Variants in KLHL29 observed in about 807,000 individuals in gnomAD.
The protein encoded by KLHL29 is kelch-like protein 29.
In KLHL29, 21 loss-of-function variants were observed where a neutral mutation model predicts 80.4. The observed-to-expected ratio is 0.26, with a 90% confidence interval of 0.19 to 0.38. KLHL29 has a LOEUF of 0.38. Among genes scored for constraint, KLHL29 ranks in the 10% least tolerant of loss-of-function variants. The probability of loss-of-function intolerance (pLI) is 1.00; values close to 1 mark genes in which losing one functional copy is unlikely to be tolerated. For synonymous variants in KLHL29, 511 were observed against 526.8 expected (o/e 0.97, Z 0.41); for missense variants, 867 against 1,223.9 (o/e 0.71, Z 4.35).
At chr2:23,466,754 G>A (rs915467020) in intron 1 of KLHL29, among the ~76,000 whole-genome samples, 2 of 152,142 alleles carry the variant, frequency 1.3e-5, no homozygotes, top group African/African-American at 2.4e-5. Context: ...ATTTATAGAT[G>A]TATTTGGATT....
intron 1 of KLHL29, among the ~76,000 whole-genome samples, chr2:23,439,538 A>T (rs1418362987): frequency 6.6e-6 from 1 of 151,630 alleles, no homozygotes; most frequent in African/African-American, 2.4e-5. Flanking sequence ...TTCAAAGAAC[A>T]TCTTTATTTC....
At chr2:23,409,449 G>A (rs911755126) in intron 1 of KLHL29, among the ~76,000 whole-genome samples, 4 of 152,164 alleles carry the variant, frequency 2.6e-5, no homozygotes, top group African/African-American at 9.7e-5. Flanking sequence ...GATGGTGTGC[G>A]TTTCCTCCGT....
intron 2 of KLHL29, among the ~76,000 whole-genome samples, chr2:23,523,797 C>G (rs953745724): frequency 6.6e-6 from 1 of 152,216 alleles, no homozygotes; most frequent in African/African-American, 2.4e-5. Flanking sequence ...GATTTATAGG[C>G]CAAGCCTGCC....
chr2:23,442,711 A>G (rs1005549704), intron 1 of KLHL29, among the ~76,000 whole-genome samples: 21 of 152,202 alleles, frequency 1.4e-4, no homozygotes, highest in African/African-American at 2.2e-4. Context: ...AATTTGTTAC[A>G]GCAGCGAGAG....
chr2:23,529,649 C>T (rs966447945), intron 2 of KLHL29, among the ~76,000 whole-genome samples: 3 of 151,680 alleles, frequency 2.0e-5, no homozygotes, highest in African/African-American at 7.3e-5. Context: ...ACCGAAGAGG[C>T]GAGTGAGGGC....
chr2:23,572,727 G>A (rs1667745278), intron 3 of KLHL29, among the ~76,000 whole-genome samples: 1 of 147,772 alleles, frequency 6.8e-6, no homozygotes, highest in Non-Finnish European at 1.5e-5. Flanking sequence ...TTGAGACGGA[G>A]TCTCGCTCTG....
At chr2:23,533,858 A>C (rs1666579155) in intron 2 of KLHL29, among the ~76,000 whole-genome samples, 1 of 151,950 alleles carries the variant, frequency 6.6e-6, no homozygotes, top group Non-Finnish European at 1.5e-5. Flanking sequence ...TATCAATAAG[A>C]CTGCTTTCAG....
At chr2:23,507,501 C>G (rs1665638295) in intron 2 of KLHL29, among the ~76,000 whole-genome samples, 1 of 152,226 alleles carries the variant, frequency 6.6e-6, no homozygotes, top group South Asian at 2.1e-4. Context: ...GCAACAACAA[C>G]AGCTGGCTTC....
intron 5 of KLHL29, among the ~76,000 whole-genome samples, chr2:23,675,447 C>T (rs4665630): frequency 0.79 from 120,286 of 152,062 alleles, 49,922 homozygotes; most frequent in East Asian, 0.99. Flanking sequence ...GACTGTACCC[C>T]TTGACTCCTA....
At chr2:23,489,764 C>T (rs1360962473) in intron 2 of KLHL29, among the ~76,000 whole-genome samples, 1 of 151,726 alleles carries the variant, frequency 6.6e-6, no homozygotes, top group East Asian at 1.9e-4. Flanking sequence ...CGGATCAGCA[C>T]CTCACAGTGA....
intron 3 of KLHL29, among the ~76,000 whole-genome samples, chr2:23,638,050 G>GA (rs1182212055): frequency 2.4e-5 from 3 of 125,858 alleles, no homozygotes; most frequent in African/African-American, 9.4e-5. Context: ...ATGTATCCAG[G>GA]ATTTTTTTTT....
intron 5 of KLHL29, among the ~76,000 whole-genome samples, chr2:23,651,257 A>G (rs988429999): frequency 6.6e-6 from 1 of 152,212 alleles, no homozygotes; most frequent in African/African-American, 2.4e-5. Flanking sequence ...GGGAAGCCCA[A>G]GTGTTTTCAG....
At chr2:23,406,254 G>A (rs1666725277) in intron 1 of KLHL29, among the ~76,000 whole-genome samples, 1 of 148,400 alleles carries the variant, frequency 6.7e-6, no homozygotes, top group South Asian at 2.1e-4. Context: ...CTTGAACCCA[G>A]GAGGCAGAGG....
At position 23,673,715 on chromosome 2, in the gene KLHL29, A is replaced by C. The variant is rs796134994; in HGVS notation, c.941-10684A>C. Reference sequence around the variant, plus strand: ...CACATCCTCTCTCTCACACACACACACCCCTACACAGGCACATACACAGGG... The same window carrying C: ...CACATCCTCTCTCTCACACACACACCCCCCTACACAGGCACATACACAGGG... On this transcript the variant is annotated intron_variant, in intron 5 of 13. Coordinates refer to ENST00000486442, the MANE Select transcript of KLHL29 (RefSeq NM_052920.2). Among the ~76,000 whole-genome samples, 43 of 144,052 alleles carry C rather than the reference A, an allele frequency of 3.0e-4. 1 individual carries two copies. Among genetic ancestry groups the C allele is most frequent in the African/African-American group, 9.9e-4 (39 of 39,206 alleles). The allele number at this position is 144,052 out of a possible 152,430, so 94.5% of individuals were successfully genotyped here.
At chr2:23,652,038 G>A (rs899327036) in intron 5 of KLHL29, among the ~76,000 whole-genome samples, 3 of 152,204 alleles carry the variant, frequency 2.0e-5, no homozygotes, top group African/African-American at 7.2e-5. Flanking sequence ...GTCCGTAACA[G>A]TCTACAAGTC....
chr2:23,522,624 G>A (rs184280538), intron 2 of KLHL29, among the ~76,000 whole-genome samples: 1 of 152,244 alleles, frequency 6.6e-6, no homozygotes, highest in African/African-American at 2.4e-5. Flanking sequence ...AAGGTGAGGC[G>A]GGTCTTTTGG....
rs1473001720 is a variant in KLHL29 at position 23,684,152 on chromosome 2, A to G, written c.941-247A>G. On this transcript the variant is annotated intron_variant, in intron 5 of 13. Coordinates refer to ENST00000486442, the MANE Select transcript of KLHL29 (RefSeq NM_052920.2). The surrounding 1 kb of genome is among the most constrained non-coding windows in gnomAD (Gnocchi z 4.4). ...ATTTCTGGGTTTGATTTTTTGTATC[A>G]TATTTGGTTTTTTTGCTTTTTAAAG... 2.0e-5 allele frequency among the ~76,000 whole-genome samples: 3 copies of G among 151,986 alleles called. No homozygotes were observed. The highest frequency in any genetic ancestry group is 1.9e-4 in the East Asian group (1 of 5,194).
At position 23,642,811 on chromosome 2, in the gene KLHL29, G is replaced by A. The variant is rs749985561; in HGVS notation, c.901G>A (p.Val301Met). Reference protein sequence around the residue: ...HGLQMLRTIGVGKYEFTDPGH... With the variant: ...HGLQMLRTIGMGKYEFTDPGH... Reference sequence around the variant, plus strand: ...GCTGCAGATGCTGCGGACCATTGGCGTGGGGAAGTATGAGTTCACCGACCC... The same window carrying A: ...GCTGCAGATGCTGCGGACCATTGGCATGGGGAAGTATGAGTTCACCGACCC... The change falls in exon 5 of 14, where the codon GTG (valine) becomes ATG (methionine). Residue 301 changes from valine (V) to methionine (M), a missense_variant. Physicochemically the swap from Val to Met is conservative, Grantham distance 21. Around this residue, in one of 2 missense-constraint regions of KLHL29, gnomAD observed 424 missense variants for 456.9 expected, o/e 0.93. Coordinates refer to ENST00000486442, the MANE Select transcript of KLHL29 (RefSeq NM_052920.2). 196 of 1,550,440 alleles carry A rather than the reference G, an allele frequency of 1.3e-4. No homozygotes were observed. Among genetic ancestry groups the A allele is most frequent in the South Asian group, 6.2e-4 (52 of 84,066 alleles).
chr2:23,549,883 C>T (rs531273941), intron 2 of KLHL29, among the ~76,000 whole-genome samples: 2 of 152,336 alleles, frequency 1.3e-5, no homozygotes, highest in South Asian at 4.1e-4. Flanking sequence ...CCATCCTTGG[C>T]TGTGCTGCCT....
Sources: gnomAD v4.1 joint callset for allele counts (sites outside exome capture counted in the v4.1 genomes callset) on GRCh38, gnomAD v4.1.1 for gene constraint, gnomAD v4.1.1 regional missense constraint, Gnocchi (gnomAD v3.1) non-coding constraint, MANE v1.5 for transcripts, NCBI Gene and HGNC (gene_info 2026-07-23, HGNC 2026-07-21) for gene names.